Variants in FAM135A observed in about 807,000 individuals in gnomAD.
FAM135A encodes protein FAM135A.
In FAM135A, 79 loss-of-function variants were observed where a neutral mutation model predicts 146.8. That is an observed-to-expected ratio of 0.54 (90% confidence interval 0.45 to 0.65). The LOEUF is 0.65. FAM135A is among the 30% of genes least tolerant of loss of function. The pLI, the probability that FAM135A is intolerant of heterozygous loss-of-function variation, is 0.00. For synonymous variants in FAM135A, 562 were observed against 603.6 expected (o/e 0.93, Z 1.01); for missense variants, 1,623 against 1,758.2 (o/e 0.92, Z 1.38).
intron 12 of FAM135A, among the ~76,000 whole-genome samples, chr6:70,518,169 G>A (rs1341306665): frequency 6.6e-6 from 1 of 152,188 alleles, no homozygotes; most frequent in African/African-American, 2.4e-5. Context: ...CGATAAGAAA[G>A]TGAAACAGCC....
rs1371860223 is a variant in FAM135A at position 70,523,909 on chromosome 6, A to G, written c.1104-58A>G. On this transcript the variant is annotated intron_variant, in intron 13 of 21. Coordinates refer to ENST00000418814, the MANE Select transcript of FAM135A (RefSeq NM_001162529.3). Reference sequence around the variant, plus strand: ...GGAAGGGGAAAGGGTAGATTCTACAAAGGGGAGTTGGGTATAATTTTTCTA... The same window carrying G: ...GGAAGGGGAAAGGGTAGATTCTACAGAGGGGAGTTGGGTATAATTTTTCTA... 4 of 1,543,690 alleles carry G rather than the reference A, an allele frequency of 2.6e-6. No individual in the cohort carries two copies. In the African/African-American group the frequency reaches 5.6e-5, roughly 22 times the overall value.
At chr6:70,559,631 T>C in intron 21 of FAM135A, 85 bp from the exon 22 acceptor site, 1 of 1,150,090 alleles carries the variant, frequency 8.7e-7, no homozygotes, top group Non-Finnish European at 1.2e-6. Flanking sequence ...AACTAAATTT[T>C]ATAACTTATC....
chr6:70,477,524 A>C (rs983653627), intron 8 of FAM135A, among the ~76,000 whole-genome samples, 192 bp downstream of exon 8: 3 of 152,130 alleles, frequency 2.0e-5, no homozygotes, highest in Admixed American at 1.3e-4. Context: ...GCAGAAATCA[A>C]AGGGGGAGCA....
intron 3 of FAM135A, among the ~76,000 whole-genome samples, chr6:70,426,987 CTGTCTA>C (rs1770309654): frequency 6.6e-6 from 1 of 152,092 alleles, no homozygotes; most frequent in South Asian, 2.1e-4. Flanking sequence ...GGAACAAAGG[CTGTCTA>C]TGTCTCTGCT....
chr6:70,466,907 C>T (rs1283634963), intron 5 of FAM135A, among the ~76,000 whole-genome samples: 2 of 152,118 alleles, frequency 1.3e-5, no homozygotes, highest in Non-Finnish European at 2.9e-5. Flanking sequence ...CACACAAATC[C>T]GAACTACATT....
At chr6:70,495,243 G>A (rs1321139340) in intron 11 of FAM135A, among the ~76,000 whole-genome samples, 1 of 152,092 alleles carries the variant, frequency 6.6e-6, no homozygotes, top group Non-Finnish European at 1.5e-5. Context: ...TCATAAAAAT[G>A]TAAACACTTT....
At chr6:70,456,237 T>G (rs1377330643) in intron 5 of FAM135A, among the ~76,000 whole-genome samples, 4 of 152,260 alleles carry the variant, frequency 2.6e-5, no homozygotes, top group Non-Finnish European at 5.9e-5. Context: ...TTTCAGTTAC[T>G]ATATAGTCTT....
At chr6:70,414,455 C>A (rs753943237) in intron 1 of FAM135A, among the ~76,000 whole-genome samples, 2 of 152,134 alleles carry the variant, frequency 1.3e-5, no homozygotes, top group African/African-American at 2.4e-5. Flanking sequence ...ACGTCCTTTT[C>A]CATTCTGCAC....
At chr6:70,522,881 C>T (rs187458010) in intron 13 of FAM135A, among the ~76,000 whole-genome samples, 1 of 152,262 alleles carries the variant, frequency 6.6e-6, no homozygotes, top group African/African-American at 2.4e-5. Flanking sequence ...TCCATTTAGC[C>T]ATATTCTGTC....
chr6:70,482,118 A>G lies in FAM135A; in HGVS notation c.787A>G (p.Thr263Ala). ...KGLHSYFITV[T>A]EEIPSCQKLE... ...ATTGCACAGCTACTTCATTACAGTA[A>G]CAGAAGAGATTCCTTCTTGTCAGAA... The change falls in exon 10 of 22, where the codon ACA (threonine) becomes GCA (alanine). Residue 263 changes from threonine to alanine, a missense_variant. Thr to Ala is a moderately conservative substitution (Grantham distance 58). Transcript: ENST00000418814. 1 of 1,613,662 alleles carries G rather than the reference A, an allele frequency of 6.2e-7. No individual in the cohort carries two copies. Among genetic ancestry groups the G allele is most frequent in the Non-Finnish European group, 8.5e-7 (1 of 1,179,742 alleles).
At chr6:70,559,447 TAAAAA>T (rs762968839) in intron 21 of FAM135A, among the ~76,000 whole-genome samples, 1 of 118,902 alleles carries the variant, frequency 8.4e-6, no homozygotes, top group Admixed American at 8.4e-5. Flanking sequence ...ATCTCAAAAA[TAAAAA>T]AAAAAAAAAA....
chr6:70,510,854 A>G (rs866901951), intron 12 of FAM135A, among the ~76,000 whole-genome samples: 1 of 152,196 alleles, frequency 6.6e-6, no homozygotes, highest in South Asian at 2.1e-4. Context: ...ACTGTTTTCC[A>G]CAGCAGCTGC....
At chr6:70,524,291 T>G (rs1189663176) in intron 14 of FAM135A, 52 bp from the exon 15 acceptor site, 2 of 1,440,566 alleles carry the variant, frequency 1.4e-6, no homozygotes, top group East Asian at 5.0e-5. Flanking sequence ...CTTAATCATA[T>G]GAGTTCTCAC....
intron 12 of FAM135A, among the ~76,000 whole-genome samples, chr6:70,518,370 G>A (rs1408747968): frequency 6.6e-6 from 1 of 152,144 alleles, no homozygotes; most frequent in Admixed American, 6.5e-5. Context: ...TTTAAGGCAG[G>A]AAGTCTCCAT....
At chr6:70,511,662 G>A (rs1791024973) in intron 12 of FAM135A, among the ~76,000 whole-genome samples, 1 of 151,890 alleles carries the variant, frequency 6.6e-6, no homozygotes, top group Non-Finnish European at 1.5e-5. Flanking sequence ...GTACAGTCTT[G>A]TGTTACTTAA....
intron 12 of FAM135A, among the ~76,000 whole-genome samples, chr6:70,520,036 T>A (rs1364660653): frequency 6.6e-6 from 1 of 152,180 alleles, no homozygotes; most frequent in African/African-American, 2.4e-5. Flanking sequence ...AGTATTAATT[T>A]TTTATTTATT....
chr6:70,522,665 A>G, intron 13 of FAM135A, 79 bp downstream of exon 13: 1 of 1,085,920 alleles, frequency 9.2e-7, no homozygotes, highest in South Asian at 1.4e-5. Flanking sequence ...TATCAGTGAC[A>G]GAATATACAG....
At chr6:70,537,853 A>G (rs1364328909) in intron 19 of FAM135A, among the ~76,000 whole-genome samples, 1 of 152,202 alleles carries the variant, frequency 6.6e-6, no homozygotes, top group African/African-American at 2.4e-5. Flanking sequence ...TCATTCTAAG[A>G]TGTGGTCTGT....
intron 11 of FAM135A, among the ~76,000 whole-genome samples, chr6:70,500,538 C>G (rs1367869286): frequency 6.6e-6 from 1 of 152,122 alleles, no homozygotes; most frequent in Non-Finnish European, 1.5e-5. Flanking sequence ...AGAGGAGTTG[C>G]AATCATTTGG....
Sources: gnomAD v4.1 joint callset for allele counts (sites outside exome capture counted in the v4.1 genomes callset) on GRCh38, gnomAD v4.1.1 for gene constraint, MANE v1.5 for transcripts, NCBI Gene and HGNC (gene_info 2026-07-23, HGNC 2026-07-21) for gene names.